SLC25A30: variants seen among roughly 807,000 people sequenced by gnomAD.
The protein encoded by SLC25A30 is solute carrier family 25 member 30.
Under a neutral mutation model 42.7 loss-of-function variants are expected in SLC25A30, and 29 were observed. That is an observed-to-expected ratio of 0.68 (90% CI 0.51 to 0.93). The LOEUF is 0.93. Ranked by LOEUF, SLC25A30 falls within the 40% of genes least tolerant of loss-of-function variation. The probability of loss-of-function intolerance (pLI) is 0.00; values close to 1 mark genes in which losing one functional copy is unlikely to be tolerated. For synonymous variants in SLC25A30, 124 were observed against 131.0 expected (o/e 0.95, Z 0.37); for missense variants, 300 against 359.7 (o/e 0.83, Z 1.34).
chr13:45,393,407 A>C lies in SLC25A30; in HGVS notation c.*2567T>G. On this transcript the variant is annotated 3_prime_UTR_variant, in exon 10 of 10. Transcript: ENST00000519676. The stretch of plus-strand genomic sequence containing the variant: ...ACAATGTTTAAATAAAGAGCTTGAA[A>C]TATAAAGGCTTATGAAAACTTCATA... The C allele has an allele frequency of 1.0e-6, 1 of 983,032 alleles. No homozygotes were observed. Among genetic ancestry groups the C allele is most frequent in the Non-Finnish European group, 1.2e-6 (1 of 827,724 alleles). The allele number at this position is 983,032 out of a possible 1,614,324, so 60.9% of individuals were successfully genotyped here.
chr13:45,423,759 A>AAC, the SLC25A30 span, among the ~76,000 whole-genome samples: 6 of 67,164 alleles, frequency 8.9e-5, no homozygotes, highest in African/African-American at 3.0e-4. Flanking sequence ...AATATATATA[A>AAC]ATATATAAAA....
At chr13:45,423,588 T>C in the SLC25A30 span, among the ~76,000 whole-genome samples, 7 of 55,408 alleles carry the variant, frequency 1.3e-4, 1 homozygote, top group South Asian at 3.4e-3. Context: ...AAAATATATA[T>C]AAATATATAT....
At position 45,394,696 on chromosome 13, in the gene SLC25A30, AG is replaced by A. The variant is rs1381800227; in HGVS notation, c.*1277del. ...GAGTAAAGAATAAGAAAATAGAAAAAGAAAAAAAGAAGAGGGAGAATGACTT... is the reference window on the plus strand; with the variant it reads ...GAGTAAAGAATAAGAAAATAGAAAAAAAAAAAAGAAGAGGGAGAATGACTT... On this transcript the variant is annotated 3_prime_UTR_variant, in exon 10 of 10. Coordinates refer to ENST00000519676, the MANE Select transcript of SLC25A30 (RefSeq NM_001010875.4). The A allele has an allele frequency of 4.1e-6, 4 of 984,936 alleles. No individual in the cohort carries two copies. In the African/African-American group the frequency reaches 7.0e-5, roughly 17 times the overall value. 61.0% of individuals were successfully genotyped at this position (984,936 alleles called of 1,614,324 possible).
At chr13:45,425,551 AGTATATATATAAATATATATAAG>A in the SLC25A30 span, among the ~76,000 whole-genome samples, 1 of 62,842 alleles carries the variant, frequency 1.6e-5, no homozygotes, top group African/African-American at 6.3e-5. Flanking sequence ...TATATATATA[AGTATATATATAAATATATATAAG>A]TATATATATA....
intron 8 of SLC25A30, 149 bp downstream of exon 8, chr13:45,398,791 C>T (rs566467944): frequency 1.5e-6 from 1 of 676,022 alleles, no homozygotes; most frequent in South Asian, 2.2e-5. Context: ...AAGCTAAGCA[C>T]AGTGTGGCAA....
chr13:45,430,987 T>C, the SLC25A30 span, among the ~76,000 whole-genome samples: 2 of 152,184 alleles, frequency 1.3e-5, no homozygotes, highest in East Asian at 3.9e-4. Context: ...CTCTACCCAA[T>C]GGTCCCACCT....
the SLC25A30 span, among the ~76,000 whole-genome samples, chr13:45,433,583 C>T: frequency 6.6e-6 from 1 of 152,118 alleles, no homozygotes; most frequent in Non-Finnish European, 1.5e-5. Context: ...TCCATTTTTG[C>T]CTCTGATAAA....
the SLC25A30 span, among the ~76,000 whole-genome samples, chr13:45,424,462 TA>T: frequency 2.7e-5 from 2 of 73,462 alleles, 1 homozygote; most frequent in Admixed American, 5.0e-4. Flanking sequence ...TATAAACATA[TA>T]AAAATATATA....
chr13:45,431,088 C>G, the SLC25A30 span, among the ~76,000 whole-genome samples: 1 of 152,014 alleles, frequency 6.6e-6, no homozygotes, highest in African/African-American at 2.4e-5. Flanking sequence ...GCTCTTGTTG[C>G]CCAGGCTGGA....
In SLC25A30 at chr13:45,394,697, GAAAA is replaced by G; in HGVS notation, c.*1273_*1276del. ...AGTAAAGAATAAGAAAATAGAAAAA[GAAAA>G]AAAGAAGAGGGAGAATGACTTATTG... On this transcript the variant is annotated 3_prime_UTR_variant, in exon 10 of 10. Coordinates refer to ENST00000519676, the MANE Select transcript of SLC25A30 (RefSeq NM_001010875.4). The G allele has an allele frequency of 2.0e-6, 2 of 984,268 alleles. No homozygotes were observed. The highest frequency in any genetic ancestry group is 2.4e-6 in the Non-Finnish European group (2 of 829,382). 61.0% of individuals were successfully genotyped at this position (984,268 alleles called of 1,614,324 possible). A position where few individuals can be genotyped will look rare whatever the true frequency, so the allele number is the denominator to read the frequency against.
In SLC25A30 at chr13:45,395,491, G is replaced by T; in HGVS notation, c.*483C>A. ...TTATACCTGGGGTTGAACAGTCCAG[G>T]TCTCCATACATGAAATTTCTTCAGT... On this transcript the variant is annotated 3_prime_UTR_variant, in exon 10 of 10. Transcript: ENST00000519676. The T allele has an allele frequency of 9.6e-7, 1 of 1,044,012 alleles. No homozygotes were observed. Among genetic ancestry groups the T allele is most frequent in the Non-Finnish European group, 1.2e-6 (1 of 864,276 alleles). 64.7% of individuals were successfully genotyped at this position (1,044,012 alleles called of 1,614,324 possible).
chr13:45,424,547 A>ATATATAAATATATAAATG, the SLC25A30 span, among the ~76,000 whole-genome samples: 73 of 80,868 alleles, frequency 9.0e-4, 16 homozygotes, highest in South Asian at 2.1e-3. Context: ...ATATATAAAT[A>ATATATAAATATATAAATG]TATAAATATA....
At chr13:45,404,575 T>G (rs1185007027) in intron 4 of SLC25A30, among the ~76,000 whole-genome samples, 163 bp from the exon 5 acceptor site, 8 of 152,212 alleles carry the variant, frequency 5.3e-5, no homozygotes, top group Non-Finnish European at 5.9e-5. Context: ...TCCCAGCACT[T>G]TGGGATACCA....
At chr13:45,409,272 T>G (rs949335371) in intron 2 of SLC25A30, among the ~76,000 whole-genome samples, 198 bp from the exon 3 acceptor site, 18 of 152,218 alleles carry the variant, frequency 1.2e-4, no homozygotes, top group Admixed American at 3.9e-4. Context: ...AATGCATAGA[T>G]ATATTTTCCT....
Position 45,402,297 on chromosome 13 carries a change from T to G in SLC25A30, c.467A>C (p.Glu156Ala), listed in dbSNP as rs563590619. The G allele has an allele frequency of 6.2e-7, 1 of 1,613,950 alleles. No homozygotes were observed. Among genetic ancestry groups the G allele is most frequent in the South Asian group, 1.1e-5 (1 of 91,082 alleles). The change falls in exon 6 of 10, where the codon GAG becomes GCG. Residue 156 changes from glutamate (E) to alanine (A), a missense_variant. Glu to Ala is a moderately radical substitution (Grantham distance 107). Transcript: ENST00000519676. ...TACCTTCCACAGTCCTCTTGTCCCC[T>G]CTTGCTGGTAAATGTTCATGAAGTT... The part of the protein sequence containing the change: ...IGNFMNIYQQ[E>A]GTRGLWKGVS...
At chr13:45,414,218 A>C (rs545710092) in intron 1 of SLC25A30, among the ~76,000 whole-genome samples, 9 of 152,316 alleles carry the variant, frequency 5.9e-5, no homozygotes, top group African/African-American at 2.2e-4. Flanking sequence ...CTAGATCCCT[A>C]AGCAGTTAAT....
rs181281502 is a variant in SLC25A30 at position 45,401,063 on chromosome 13, A to T, written c.614+20T>A. On this transcript the variant is annotated intron_variant, in intron 7 of 9. Coordinates refer to ENST00000519676, the MANE Select transcript of SLC25A30 (RefSeq NM_001010875.4). ...TTCTTTAGAATTTCTATAATTTTTT[A>T]AAAAAAGCCATGAACATACAGGAAG... is the stretch of plus-strand genomic sequence containing the variant. 2,002 of 1,557,454 alleles carry T rather than the reference A, an allele frequency of 1.3e-3. 3 individuals are homozygous for T. The highest frequency in any genetic ancestry group is 6.6e-3 in the East Asian group (292 of 44,324).
intron 3 of SLC25A30, 125 bp from the exon 4 acceptor site, chr13:45,406,102 A>G (rs1375344221): frequency 6.0e-6 from 4 of 671,208 alleles, no homozygotes; most frequent in Admixed American, 5.2e-5. Flanking sequence ...TTTTTTTTTG[A>G]GACGGAGTTT....
chr13:45,402,431 A>C, intron 5 of SLC25A30, 61 bp from the exon 6 acceptor site: 2 of 1,301,018 alleles, frequency 1.5e-6, no homozygotes, highest in Non-Finnish European at 2.2e-6. Context: ...CCCACAACCA[A>C]TGTATACCTC....
Sources: allele counts gnomAD v4.1 joint callset (sites outside exome capture counted in the v4.1 genomes callset), GRCh38; gene constraint gnomAD v4.1.1; transcripts MANE v1.5; gene names NCBI Gene and HGNC (gene_info 2026-07-23, HGNC 2026-07-21).